PTPRR: variants seen among roughly 807,000 people sequenced by gnomAD.
PTPRR encodes the protein receptor-type tyrosine-protein phosphatase R.
In PTPRR, 38 loss-of-function variants were observed where a neutral mutation model predicts 77.2. The observed-to-expected ratio is 0.49, with a 90% CI of 0.38 to 0.65. The LOEUF is 0.65. Ranked by LOEUF, PTPRR falls within the 30% of genes least tolerant of loss-of-function variation. The pLI is 0.00. For synonymous variants in PTPRR, 299 were observed against 283.1 expected, an observed-to-expected ratio of 1.06 and a Z score of -0.57; for missense variants, 744 against 799.2, an observed-to-expected ratio of 0.93 and a Z score of 0.83.
intron 6 of PTPRR, among the ~76,000 whole-genome samples, chr12:70,729,496 G>C (rs1889579311): frequency 6.6e-6 from 1 of 152,116 alleles, no homozygotes; most frequent in African/African-American, 2.4e-5. Context: ...TTCCCTAGAG[G>C]ACTATGTTAA....
At chr12:70,769,198 T>C (rs528027396) in intron 2 of PTPRR, among the ~76,000 whole-genome samples, 36 of 148,964 alleles carry the variant, frequency 2.4e-4, no homozygotes, top group African/African-American at 7.1e-4. Context: ...GGTATTCAAT[T>C]AGGAAAAGAG....
chr12:70,804,137 C>CTGTG (rs1318704522), intron 2 of PTPRR, among the ~76,000 whole-genome samples: 1 of 55,096 alleles, frequency 1.8e-5, no homozygotes. Context: ...CTGTTCCTGG[C>CTGTG]TCTGTGTGTG....
In PTPRR at chr12:70,824,062, T is replaced by C. The variant is rs76291087; in HGVS notation, c.358-59284A>G. ...CAACGGTTCACAGAACCCTTAGCAT[T>C]GATACACTACTCTGGGCCAGAGGTC... On this transcript the variant is annotated intron_variant, in intron 2 of 13. Transcript: ENST00000283228. Among the ~76,000 whole-genome samples, 77 of 152,214 alleles carry C rather than the reference T, an allele frequency of 5.1e-4. No homozygotes were observed. In the East Asian group the frequency reaches 0.012, roughly 24 times the overall value.
chr12:70,893,240 T>A (rs1057314356), intron 1 of PTPRR, among the ~76,000 whole-genome samples: 22 of 152,038 alleles, frequency 1.4e-4, no homozygotes, highest in African/African-American at 5.3e-4. Context: ...CTGATGCCAC[T>A]TTTACTAAGA....
At chr12:70,646,958 AAAG>A (rs1456801746) in intron 13 of PTPRR, among the ~76,000 whole-genome samples, 3 of 152,152 alleles carry the variant, frequency 2.0e-5, no homozygotes, top group Non-Finnish European at 4.4e-5. Flanking sequence ...AAAAAAAAGA[AAAG>A]AAAATCATCG....
rs373468298 is a variant in PTPRR, at chr12:70,783,162, G to C, written c.358-18384C>G. Among the ~76,000 whole-genome samples, 13 of 152,168 alleles carry C rather than the reference G, an allele frequency of 8.5e-5. No homozygotes were observed. In the East Asian group the frequency reaches 2.1e-3, roughly 25 times the overall value. On this transcript the variant is annotated intron_variant, in intron 2 of 13. Coordinates refer to ENST00000283228, the MANE Select transcript of PTPRR (RefSeq NM_002849.4). The stretch of plus-strand genomic sequence containing the variant: ...AGAATGAGGTATGCAGACAAGTGAA[G>C]GGTGAACAAGACAAAGATGAGCTTT...
chr12:70,890,442 GC>G (rs902526409), intron 2 of PTPRR, among the ~76,000 whole-genome samples: 2 of 152,102 alleles, frequency 1.3e-5, no homozygotes, highest in African/African-American at 4.8e-5. Flanking sequence ...CAACTTTCAT[GC>G]CCTTTTTAAA....
intron 3 of PTPRR, among the ~76,000 whole-genome samples, chr12:70,763,167 T>C (rs1049324145): frequency 7.2e-5 from 11 of 152,034 alleles, no homozygotes; most frequent in Admixed American, 7.2e-4. Flanking sequence ...TCGCTCTTGT[T>C]GTCCAGGCTG....
At chr12:70,787,433 G>A (rs900101199) in intron 2 of PTPRR, among the ~76,000 whole-genome samples, 1 of 152,114 alleles carries the variant, frequency 6.6e-6, no homozygotes, top group African/African-American at 2.4e-5. Context: ...TGTAGGGCAA[G>A]GTATTTTAGT....
In PTPRR at chr12:70,679,825, G is replaced by A. The variant is rs117576841; in HGVS notation, c.1497+4302C>T. Among the ~76,000 whole-genome samples the A allele has an allele frequency of 7.9e-3, 1,205 of 151,890 alleles. 12 individuals are homozygous for A. The highest frequency in any genetic ancestry group is 0.015 in the South Asian group (74 of 4,814). On this transcript the variant is annotated intron_variant, in intron 10 of 13. Transcript: ENST00000283228. ...TAGACGTCATATAGGTGAGTCTTGC[G>A]TTTTTTTCTTTCCCCCATTTGGCCA...
intron 4 of PTPRR, among the ~76,000 whole-genome samples, chr12:70,759,679 TAAAAAAA>T (rs34011060): frequency 2.9e-5 from 1 of 34,430 alleles, no homozygotes; most frequent in Non-Finnish European, 5.6e-5. Flanking sequence ...GACTCCGTCT[TAAAAAAA>T]AAAAAAAAAA....
intron 2 of PTPRR, among the ~76,000 whole-genome samples, chr12:70,787,683 T>C (rs1258082461): frequency 6.6e-6 from 1 of 152,190 alleles, no homozygotes; most frequent in Non-Finnish European, 1.5e-5. Flanking sequence ...ACACCAGAGT[T>C]GCACTTAAAA....
At chr12:70,754,795 C>A in intron 4 of PTPRR, 1 of 1,434,156 alleles carries the variant, frequency 7.0e-7, no homozygotes, top group Non-Finnish European at 9.2e-7. Context: ...TTATTTCCTT[C>A]TTTCTTTTAA....
chr12:70,745,774 T>C, intron 6 of PTPRR, 44 bp downstream of exon 6: 8 of 1,571,356 alleles, frequency 5.1e-6, no homozygotes, highest in Non-Finnish European at 6.9e-6. Context: ...TGAATACTCT[T>C]TTTATAAAAA....
At chr12:70,905,509 C>G (rs1893607898) in intron 1 of PTPRR, among the ~76,000 whole-genome samples, 1 of 151,798 alleles carries the variant, frequency 6.6e-6, no homozygotes, top group Non-Finnish European at 1.5e-5. Context: ...ATCATAAAAA[C>G]AACATTTACA....
At chr12:70,735,726 A>T (rs527995623) in intron 6 of PTPRR, among the ~76,000 whole-genome samples, 2 of 152,292 alleles carry the variant, frequency 1.3e-5, no homozygotes, top group East Asian at 3.9e-4. Context: ...GACATTGAGC[A>T]TATTACTTAT....
At chr12:70,667,614 TC>T (rs1435402270) in intron 10 of PTPRR, among the ~76,000 whole-genome samples, 2 of 152,138 alleles carry the variant, frequency 1.3e-5, no homozygotes, top group Non-Finnish European at 2.9e-5. Context: ...TCTCTTTGCT[TC>T]CTGTTGAATC....
chr12:70,725,644 G>C (rs1889407176), intron 6 of PTPRR, among the ~76,000 whole-genome samples: 1 of 152,098 alleles, frequency 6.6e-6, no homozygotes, highest in African/African-American at 2.4e-5. Context: ...GTTGTACCCT[G>C]ACAATTGTCC....
intron 1 of PTPRR, among the ~76,000 whole-genome samples, chr12:70,901,808 A>C (rs1321175175): frequency 6.6e-6 from 1 of 151,838 alleles, no homozygotes; most frequent in African/African-American, 2.4e-5. Flanking sequence ...TTTGCATGGC[A>C]AAAGAATAGC....
Sources: allele counts gnomAD v4.1 joint callset (sites outside exome capture counted in the v4.1 genomes callset), GRCh38; gene constraint gnomAD v4.1.1; transcripts MANE v1.5; gene names NCBI Gene and HGNC (gene_info 2026-07-23, HGNC 2026-07-21).